The following DHX38 variants were observed in gnomAD, a reference collection of about 807,000 sequenced individuals.
DHX38 encodes pre-mRNA-splicing factor ATP-dependent RNA helicase PRP16.
A neutral mutation model predicts 153.1 loss-of-function variants in DHX38; 100 were observed. That is an observed-to-expected ratio of 0.65 (90% CI 0.56 to 0.77). The LOEUF is 0.77. Among genes scored for constraint, DHX38 ranks in the 30% least tolerant of loss-of-function variants. The probability of loss-of-function intolerance (pLI) is 0.00; values close to 1 mark genes in which losing one functional copy is unlikely to be tolerated. For missense variants in DHX38, 1,440 were observed against 1,654.0 expected (o/e 0.87, Z 2.24); for synonymous variants, 650 against 631.7 (o/e 1.03, Z -0.43).
In DHX38 at chr16:72,107,567, C is replaced by T. The variant is rs369135663; in HGVS notation, c.2809+19C>T. ...AACACAGGTGAGGCGGCCCCGGGAG[C>T]CTCATGGGTGCTGGCGCTTGACTTC... On this transcript the variant is annotated intron_variant, in intron 20 of 26. Transcript: ENST00000268482. This position sits in a 1 kb window ranked among gnomAD's most constrained non-coding sequence, Gnocchi z 5.3. 59 of 1,610,144 alleles carry T rather than the reference C, an allele frequency of 3.7e-5. No homozygotes were observed. The Middle Eastern group carries it at 6.6e-4, about 18-fold the overall frequency.
chr16:72,097,637 A>G (rs975874260), intron 3 of DHX38, 40 bp from the exon 4 acceptor site: 1 of 1,589,342 alleles, frequency 6.3e-7, no homozygotes, highest in Admixed American at 1.7e-5. Context: ...ATACCTTAGG[A>G]TGGGATGCAT....
rs921746486 is a variant in DHX38 at position 72,100,498 on chromosome 16, G to T, written c.1179G>T (p.Val393=). Residue 393 remains valine (V), a synonymous_variant, in exon 9 of 27, where the codon GTG becomes GTT. Coordinates refer to ENST00000268482, the MANE Select transcript of DHX38 (RefSeq NM_014003.4). ...LTSGVVHRLE[V]DEDFEEDNAA... ...GTGGGGTGGTCCATCGGCTGGAGGT[G>T]GATGAGGACTTTGAAGAGGACAACG... The T allele has an allele frequency of 6.2e-7, 1 of 1,614,050 alleles. No homozygotes were observed. Among genetic ancestry groups the T allele is most frequent in the African/African-American group, 1.3e-5 (1 of 74,926 alleles).
intron 3 of DHX38, 189 bp downstream of exon 3, chr16:72,097,198 A>G: frequency 1.8e-6 from 1 of 563,162 alleles, no homozygotes. Flanking sequence ...TGCCTGTAAC[A>G]TAGCTGCTCT....
Position 72,105,338 on chromosome 16 carries a change from T to C in DHX38, c.2369T>C (p.Ile790Thr). 6.2e-7 allele frequency: 1 copy of C among 1,614,126 alleles called. No individual in the cohort carries two copies. Among genetic ancestry groups the C allele is most frequent in the Non-Finnish European group, 8.5e-7 (1 of 1,180,004 alleles). The change falls in exon 17 of 27, where the codon ATC (isoleucine) becomes ACC (threonine). Residue 790 changes from isoleucine to threonine, a missense_variant. This residue lies in a region of DHX38 where 543 missense variants were observed against 717.9 expected (regional missense o/e 0.76). Transcript: ENST00000268482. ...CTGCCTTCTGACCTCCAGGCCAAAA[T>C]CTTCCAGAAGGTGTGTCAGCAGGAA... ...SQLPSDLQAK[I>T]FQKAPDGVRK...
Position 72,098,772 on chromosome 16 carries a change from G to A in DHX38, c.744G>A (p.Leu248=). Residue 248 remains leucine, a synonymous_variant, in exon 5 of 27, where the codon CTG becomes CTA. Coordinates refer to ENST00000268482, the MANE Select transcript of DHX38 (RefSeq NM_014003.4). ...GGGATTCTGAGCGGAGCCATCGGCT[G>A]TCCACTCGAGATCGAGACAGGTGAT... The part of the protein sequence containing the change: ...SYRDSERSHR[L]STRDRDRSVR... 1.2e-6 allele frequency: 2 copies of A among 1,614,184 alleles called. No homozygotes were observed. The highest frequency in any genetic ancestry group is 2.2e-5 in the South Asian group (2 of 91,082).
intron 26 of DHX38, among the ~76,000 whole-genome samples, chr16:72,111,778 A>G (rs1404358992): frequency 3.3e-5 from 5 of 152,206 alleles, no homozygotes; most frequent in African/African-American, 7.2e-5. Flanking sequence ...TTCAGTGTCC[A>G]GAGTTCTTAT....
rs1395423379 is a variant in DHX38, at chr16:72,104,428, G to C, written c.2011-58G>C. ...CCTCGGGGGTGGTGCTGATGGGACTGGGGGACAGGAGCCAAGGGTCCCCAC... is the reference window on the plus strand; with the variant it reads ...CCTCGGGGGTGGTGCTGATGGGACTCGGGGACAGGAGCCAAGGGTCCCCAC... On this transcript the variant is annotated intron_variant, in intron 14 of 26. Transcript: ENST00000268482. The surrounding 1 kb of genome is among the most constrained non-coding windows in gnomAD (Gnocchi z 4.5). The C allele has an allele frequency of 5.0e-5, 80 of 1,601,916 alleles. No individual in the cohort carries two copies. The highest frequency in any genetic ancestry group is 6.7e-5 in the Non-Finnish European group (79 of 1,176,602).
Position 72,107,656 on chromosome 16 carries a change from TCTACCGGG to T in DHX38, c.2823_2830del (p.Thr942AlafsTer20), listed in dbSNP as rs767582321. 3 of 1,614,040 alleles carry T rather than the reference TCTACCGGG, an allele frequency of 1.9e-6. No homozygotes were observed. The African/African-American group carries it at 4.0e-5, about 22-fold the overall frequency. On this transcript the variant is annotated frameshift_variant, in exon 21 of 27. Coordinates refer to ENST00000268482, the MANE Select transcript of DHX38 (RefSeq NM_014003.4). LOFTEE classifies it high-confidence loss of function. This position sits in a 1 kb window ranked among gnomAD's most constrained non-coding sequence, Gnocchi z 5.3. Reference sequence around the variant, plus strand: ...CTCATCTCTCCTAGGTGGTCTGACCTCTACCGGGCGGCTGATGGTGGAGTTCCCGCTGG... The same window carrying T: ...CTCATCTCTCCTAGGTGGTCTGACCTCGGCTGATGGTGGAGTTCCCGCTGG...
intron 25 of DHX38, 101 bp downstream of exon 25, chr16:72,109,611 C>T (rs1597449455): frequency 9.1e-7 from 1 of 1,095,854 alleles, no homozygotes; most frequent in South Asian, 1.7e-5. Context: ...CCACTTACTT[C>T]TCTCTGCAAA....
chr16:72,112,344 G>A, intron 26 of DHX38, 69 bp from the exon 27 acceptor site: 1 of 1,500,928 alleles, frequency 6.7e-7, no homozygotes, highest in Non-Finnish European at 9.2e-7. Context: ...CTGGGGCTCT[G>A]CATCCTCCTG....
At chr16:72,097,096 C>A in intron 3 of DHX38, 87 bp downstream of exon 3, 1 of 1,434,896 alleles carries the variant, frequency 7.0e-7, no homozygotes, top group East Asian at 2.4e-5. Flanking sequence ...TTTTGCAACA[C>A]CCATTTGTTA....
At position 72,107,757 on chromosome 16, in the gene DHX38, C is replaced by T. The variant is rs770097854; in HGVS notation, c.2922C>T (p.Ile974=). Reference sequence around the variant, plus strand: ...GCTGCAGCTCCGAGATCCTGCTCATCGTTTCCATGCTCTCGGTCCCAGCCA... The same window carrying T: ...GCTGCAGCTCCGAGATCCTGCTCATTGTTTCCATGCTCTCGGTCCCAGCCA... ...DMGCSSEILL[I]VSMLSVPAIF... Residue 974 remains isoleucine, a synonymous_variant, in exon 21 of 27, where the codon ATC becomes ATT. Transcript: ENST00000268482. This position sits in a 1 kb window ranked among gnomAD's most constrained non-coding sequence, Gnocchi z 5.3. 1.2e-5 allele frequency: 20 copies of T among 1,613,974 alleles called. No individual in the cohort carries two copies. The highest frequency in any genetic ancestry group is 4.0e-5 in the African/African-American group (3 of 74,926).
Position 72,103,985 on chromosome 16 carries a change from A to G in DHX38, c.1864A>G (p.Asn622Asp). Residue 622 changes from asparagine to aspartate, a missense_variant, in exon 14 of 27, where the codon AAC becomes GAC. Physicochemically the swap from Asn to Asp is conservative, Grantham distance 23 (BLOSUM62 1). Coordinates refer to ENST00000268482, the MANE Select transcript of DHX38 (RefSeq NM_014003.4). ...AIRFEDCTSE[N>D]TLIKYMTDGI... ...CCGCTTTGAAGACTGCACTTCAGAGAACACCTTGATCAAATACATGACTGA... is the reference window on the plus strand; with the variant it reads ...CCGCTTTGAAGACTGCACTTCAGAGGACACCTTGATCAAATACATGACTGA... 1 of 1,614,076 alleles carries G rather than the reference A, an allele frequency of 6.2e-7. No individual in the cohort carries two copies. Among genetic ancestry groups the G allele is most frequent in the Non-Finnish European group, 8.5e-7 (1 of 1,180,020 alleles).
Position 72,111,094 on chromosome 16 carries a change from G to A in DHX38, c.3599+17G>A, listed in dbSNP as rs746901795. The A allele has an allele frequency of 7.1e-6, 11 of 1,546,470 alleles. No homozygotes were observed. The highest frequency in any genetic ancestry group is 4.8e-5 in the South Asian group (4 of 83,322). On this transcript the variant is annotated intron_variant, in intron 26 of 26. Transcript: ENST00000268482. ...CAGTGTCAGGTGAGCTCCGGCCTTC[G>A]GGCTCTGGCTGGGGTGGCACCCATC...
rs771201827 is a variant in DHX38, at chr16:72,099,252, A to C, written c.932A>C (p.Glu311Ala). The C allele has an allele frequency of 1.9e-6, 3 of 1,612,648 alleles. No homozygotes were observed. The highest frequency in any genetic ancestry group is 2.5e-6 in the Non-Finnish European group (3 of 1,179,562). ...GGAATTTCATTTGACACGGAGGAGG[A>C]GCGGCAGCAGTGGGAAGATGACCAG... ...EEGISFDTEE[E>A]RQQWEDDQRQ... The change falls in exon 7 of 27, where the codon GAG becomes GCG. Residue 311 changes from glutamate to alanine, a missense_variant. Physicochemically the swap from Glu to Ala is moderately radical, Grantham distance 107 (BLOSUM62 -1). Around this residue, in one of 6 missense-constraint regions of DHX38, gnomAD observed 483 missense variants for 465.1 expected, o/e 1.04. Coordinates refer to ENST00000268482, the MANE Select transcript of DHX38 (RefSeq NM_014003.4).
chr16:72,110,263 T>G (rs889750470), intron 25 of DHX38, among the ~76,000 whole-genome samples: 1 of 152,262 alleles, frequency 6.6e-6, no homozygotes, highest in African/African-American at 2.4e-5. Flanking sequence ...TGCCTGTGTT[T>G]CGTGCACTTG....
chr16:72,107,131 TA>T lies in DHX38; in HGVS notation c.2601-199del, dbSNP rs983075094. Among the ~76,000 whole-genome samples, 5 of 148,094 alleles carry T rather than the reference TA, an allele frequency of 3.4e-5. No individual in the cohort carries two copies. Among genetic ancestry groups the T allele is most frequent in the African/African-American group, 5.0e-5 (2 of 40,384 alleles). ...TTGGGCAACAGAGTGAGACTCTGTCTAAAAAAAAAAGAAATGAAACATGTAA... is the reference window on the plus strand; with the variant it reads ...TTGGGCAACAGAGTGAGACTCTGTCTAAAAAAAAAGAAATGAAACATGTAA... On this transcript the variant is annotated intron_variant, in intron 19 of 26. Transcript: ENST00000268482. This position sits in a 1 kb window ranked among gnomAD's most constrained non-coding sequence, Gnocchi z 5.3.
chr16:72,105,447 CT>C, intron 17 of DHX38, 69 bp from the exon 18 acceptor site: 1 of 1,602,722 alleles, frequency 6.2e-7, no homozygotes, highest in Non-Finnish European at 8.5e-7. Context: ...AGGAGGTAGG[CT>C]TTTCCCCCTC....
chr16:72,105,194 G>C (rs2042157591), intron 16 of DHX38, 38 bp from the exon 17 acceptor site: 1 of 1,613,864 alleles, frequency 6.2e-7, no homozygotes, highest in Admixed American at 1.7e-5. Context: ...TGAGAGGTTA[G>C]GGTTCCAGTG....
Sources: allele counts gnomAD v4.1 joint callset (sites outside exome capture counted in the v4.1 genomes callset), GRCh38; gene constraint gnomAD v4.1.1; regional missense constraint gnomAD v4.1.1; non-coding constraint Gnocchi (gnomAD v3.1); transcripts MANE v1.5; gene names NCBI Gene and HGNC (gene_info 2026-07-23, HGNC 2026-07-21).